The following FMN1 variants were observed in gnomAD, a reference collection of about 807,000 sequenced individuals.
FMN1 encodes formin-1.
A neutral mutation model predicts 132.4 loss-of-function variants in FMN1; 110 were observed. That is an observed-to-expected ratio of 0.83 (90% CI 0.71 to 0.97). The LOEUF (loss-of-function observed/expected upper bound fraction) is 0.97, where lower values mean the gene tolerates loss of function less well. Among genes scored for constraint, FMN1 ranks in the 50% least tolerant of loss-of-function variants. FMN1 has a pLI of 0.00. For synonymous variants in FMN1, 722 were observed against 651.7 expected, an observed-to-expected ratio of 1.11 and a Z score of -1.64; for missense variants, 1,792 against 1,705.3, an observed-to-expected ratio of 1.05 and a Z score of -0.90.
chr15:33,083,531 T>TAC (rs2038570104), intron 5 of FMN1, among the ~76,000 whole-genome samples: 1 of 152,314 alleles, frequency 6.6e-6, no homozygotes, highest in South Asian at 2.1e-4. Context: ...ATAAAAACCC[T>TAC]ACCCAAAGAA....
intron 5 of FMN1, among the ~76,000 whole-genome samples, chr15:33,069,876 G>A (rs1333630366): frequency 2.0e-5 from 3 of 150,060 alleles, no homozygotes; most frequent in Admixed American, 2.0e-4. Context: ...TGTCTTTTAA[G>A]TCTAAGAACA....
At chr15:32,923,881 T>G (rs1203039978) in intron 10 of FMN1, among the ~76,000 whole-genome samples, 1 of 152,144 alleles carries the variant, frequency 6.6e-6, no homozygotes, top group African/African-American at 2.4e-5. Flanking sequence ...TTGTGAAAAC[T>G]CACATCCACA....
chr15:32,895,864 A>G (rs1318317502), intron 15 of FMN1, among the ~76,000 whole-genome samples: 1 of 152,156 alleles, frequency 6.6e-6, no homozygotes, highest in African/African-American at 2.4e-5. Context: ...AATTTTAATT[A>G]GGAATTGAAG....
At chr15:33,076,346 CCTT>C (rs1311081975) in intron 5 of FMN1, among the ~76,000 whole-genome samples, 1 of 152,206 alleles carries the variant, frequency 6.6e-6, no homozygotes, top group Admixed American at 6.5e-5. Flanking sequence ...GCCTATATTC[CCTT>C]CTTCTCATGC....
chr15:33,070,442 T>C (rs923600662), intron 5 of FMN1, among the ~76,000 whole-genome samples: 10 of 151,014 alleles, frequency 6.6e-5, no homozygotes, highest in Admixed American at 4.0e-4. Context: ...ACATAACTAA[T>C]TATTGATTTC....
chr15:33,151,165 A>C, intron 4 of FMN1: 1 of 1,482,756 alleles, frequency 6.7e-7, no homozygotes, highest in Non-Finnish European at 8.9e-7. Context: ...TCCCTCCCTC[A>C]TGCCTTTCAA....
intron 19 of FMN1, 61 bp downstream of exon 19, chr15:32,798,742 GT>G: frequency 7.1e-7 from 1 of 1,414,188 alleles, no homozygotes; most frequent in African/African-American, 1.4e-5. Flanking sequence ...ACTTTGATAG[GT>G]TTAAGAGTGC....
intron 16 of FMN1, among the ~76,000 whole-genome samples, chr15:32,866,300 T>A (rs1188210527): frequency 2.6e-5 from 4 of 152,158 alleles, no homozygotes; most frequent in Admixed American, 6.5e-5. Context: ...TATTCTTAGT[T>A]TTTCATACAC....
chr15:33,128,758 C>G (rs77035273), intron 4 of FMN1, among the ~76,000 whole-genome samples: 2,174 of 152,288 alleles, frequency 0.014, 55 homozygotes, highest in African/African-American at 0.05. Context: ...TTTTAAAGCC[C>G]TTAAAAGTGG....
rs1226548479 is a variant in FMN1, at chr15:32,950,054, C to CATATATAT, written c.3138+14045_3138+14052dup. Among the ~76,000 whole-genome samples, 23 of 4,916 alleles carry CATATATAT rather than the reference C, an allele frequency of 4.7e-3. 2 individuals carry two copies. The highest frequency in any genetic ancestry group is 0.019 in the East Asian group (1 of 54). 3.2% of individuals were successfully genotyped at this position (4,916 alleles called of 152,430 possible). On this transcript the variant is annotated intron_variant, in intron 9 of 20. Coordinates refer to ENST00000616417, the MANE Select transcript of FMN1 (RefSeq NM_001277313.2). Reference sequence around the variant, plus strand: ...ATATACACATATATATATATATACACATATATATATATATATATATATATA... The same window carrying CATATATAT: ...ATATACACATATATATATATATACACATATATATATATATATATATATATATATATATA...
chr15:32,822,800 T>C (rs2058253171), intron 17 of FMN1, among the ~76,000 whole-genome samples: 3 of 147,200 alleles, frequency 2.0e-5, no homozygotes, highest in Admixed American at 1.3e-4. Context: ...TTTATGAAGG[T>C]GTCTGTATCT....
chr15:33,053,374 G>T (rs1443411367), intron 6 of FMN1, among the ~76,000 whole-genome samples: 1 of 152,200 alleles, frequency 6.6e-6, no homozygotes, highest in Non-Finnish European at 1.5e-5. Flanking sequence ...CTGCACAGAA[G>T]TTGCTCCTAT....
chr15:32,991,121 C>T lies in FMN1; in HGVS notation c.2223+16893G>A, dbSNP rs150487359. ...TTCTTTTCCTATGCATAAGGCCAAACCTAACAACCAAGCAAAGAAATAAAG... is the reference window on the plus strand; with the variant it reads ...TTCTTTTCCTATGCATAAGGCCAAATCTAACAACCAAGCAAAGAAATAAAG... On this transcript the variant is annotated intron_variant, in intron 7 of 20. Transcript: ENST00000616417. 2.9e-3 allele frequency among the ~76,000 whole-genome samples: 434 copies of T among 152,202 alleles called. 1 individual carries two copies. The highest frequency in any genetic ancestry group is 0.01 in the African/African-American group (420 of 41,532).
chr15:33,185,492 T>C (rs948984649), intron 2 of FMN1, among the ~76,000 whole-genome samples: 14 of 151,994 alleles, frequency 9.2e-5, no homozygotes, highest in South Asian at 4.2e-4. Context: ...AGAAAGTAAA[T>C]TTTTGTTTCC....
At position 32,902,011 on chromosome 15, in the gene FMN1, T is replaced by C. The variant is rs371598933; in HGVS notation, c.3407A>G (p.Asn1136Ser). 16 of 1,612,858 alleles carry C rather than the reference T, an allele frequency of 9.9e-6. No individual in the cohort carries two copies. Among genetic ancestry groups the C allele is most frequent in the South Asian group, 1.1e-5 (1 of 90,842 alleles). Residue 1136 changes from asparagine to serine, a missense_variant, in exon 13 of 21, where the codon AAT (asparagine) becomes AGT (serine). This residue lies in a region of FMN1 where 1,150 missense variants were observed against 1,043.1 expected (regional missense o/e 1.10). Coordinates refer to ENST00000616417, the MANE Select transcript of FMN1 (RefSeq NM_001277313.2). ...QFLHELAQIP[N>S]FAERAQCIIF... is the part of the protein sequence containing the mutation. ...TATGCACTGGGCACGTTCAGCAAAA[T>C]TAGGAATCTGGGCTAACTCATGTAA...
At chr15:32,982,514 T>C (rs1256687233) in intron 7 of FMN1, among the ~76,000 whole-genome samples, 3 of 152,198 alleles carry the variant, frequency 2.0e-5, no homozygotes, top group African/African-American at 7.2e-5. Context: ...GTTAACTTTA[T>C]GTATCAACTT....
intron 17 of FMN1, among the ~76,000 whole-genome samples, chr15:32,830,334 G>A (rs1262369696): frequency 1.3e-5 from 2 of 152,090 alleles, no homozygotes; most frequent in Non-Finnish European, 2.9e-5. Context: ...CTGACTCATT[G>A]TCTTCTCTTC....
At chr15:32,938,120 G>GT (rs369665070) in intron 9 of FMN1, among the ~76,000 whole-genome samples, 11 of 152,140 alleles carry the variant, frequency 7.2e-5, no homozygotes, top group African/African-American at 1.4e-4. Context: ...TGTGTAGCGT[G>GT]TTTTTTTCAC....
chr15:32,803,631 T>TC (rs1403288534), intron 18 of FMN1, among the ~76,000 whole-genome samples: 1 of 151,946 alleles, frequency 6.6e-6, no homozygotes, highest in Non-Finnish European at 1.5e-5. Flanking sequence ...GACAGCCCCT[T>TC]CTCCCTACCT....
Sources: allele counts gnomAD v4.1 joint callset (sites outside exome capture counted in the v4.1 genomes callset), GRCh38; gene constraint gnomAD v4.1.1; regional missense constraint gnomAD v4.1.1; transcripts MANE v1.5; gene names NCBI Gene and HGNC (gene_info 2026-07-23, HGNC 2026-07-21).